SLC35F1: variants seen among roughly 807,000 people sequenced by gnomAD.
SLC35F1 encodes solute carrier family 35 member F1, also known as chromosome 6 open reading frame 169.
In SLC35F1, 14 loss-of-function variants were observed where a neutral mutation model predicts 48.7. That is an observed-to-expected ratio of 0.29 (90% CI 0.19 to 0.45). The LOEUF (loss-of-function observed/expected upper bound fraction) is 0.45, where lower values mean the gene tolerates loss of function less well. Ranked by LOEUF, SLC35F1 falls within the 20% of genes least tolerant of loss-of-function variation. The pLI, the probability that SLC35F1 is intolerant of heterozygous loss-of-function variation, is 1.00. For synonymous variants in SLC35F1, 190 were observed against 202.2 expected (o/e 0.94, Z 0.51); for missense variants, 404 against 500.0 (o/e 0.81, Z 1.83).
At chr6:118,279,017 A>G (rs1332769772) in intron 6 of SLC35F1, among the ~76,000 whole-genome samples, 1 of 152,226 alleles carries the variant, frequency 6.6e-6, no homozygotes, top group Non-Finnish European at 1.5e-5. Context: ...GATGAAGGAC[A>G]GTGTAAAAGG....
At chr6:118,182,124 G>C (rs559375448) in intron 2 of SLC35F1, among the ~76,000 whole-genome samples, 79 of 150,980 alleles carry the variant, frequency 5.2e-4, no homozygotes, top group African/African-American at 1.8e-3. Context: ...ATTTATTCTT[G>C]GAGCTTAAGA....
chr6:118,156,317 C>T (rs1774140455), intron 2 of SLC35F1, among the ~76,000 whole-genome samples: 1 of 152,032 alleles, frequency 6.6e-6, no homozygotes. Context: ...CCTAACACAG[C>T]CCTCAGGAGG....
intron 1 of SLC35F1, among the ~76,000 whole-genome samples, chr6:118,051,980 A>G (rs1461876632): frequency 2.0e-5 from 3 of 152,116 alleles, no homozygotes; most frequent in Non-Finnish European, 2.9e-5. Context: ...TGCATGACTC[A>G]TGTTCCAAAC....
intron 1 of SLC35F1, among the ~76,000 whole-genome samples, chr6:118,139,533 T>C (rs989266721): frequency 1.3e-5 from 2 of 152,204 alleles, no homozygotes; most frequent in South Asian, 2.1e-4. Flanking sequence ...GTAAGTGCCA[T>C]TGGAAGGATG....
intron 2 of SLC35F1, among the ~76,000 whole-genome samples, chr6:118,221,216 A>G (rs1204628989): frequency 1.3e-5 from 2 of 152,162 alleles, no homozygotes; most frequent in African/African-American, 4.8e-5. Flanking sequence ...CGCTACCCCA[A>G]CAAAAGGTCC....
At position 118,125,585 on chromosome 6, in the gene SLC35F1, A is replaced by G. The variant is rs536410796; in HGVS notation, c.174-28860A>G. Among the ~76,000 whole-genome samples the G allele has an allele frequency of 4.6e-5, 7 of 152,272 alleles. 1 individual carries two copies. The East Asian group carries it at 9.6e-4, about 21-fold the overall frequency. On this transcript the variant is annotated intron_variant, in intron 1 of 7. Transcript: ENST00000360388. ...CCTTGGGTAGTATAAGTTAAACCTC[A>G]TAGCCTTGTTTCTCCAGAGTTTCTC...
At position 118,276,009 on chromosome 6, in the gene SLC35F1, T is replaced by C. The variant is rs557753864; in HGVS notation, c.794+394T>C. Among the ~76,000 whole-genome samples, 13 of 152,330 alleles carry C rather than the reference T, an allele frequency of 8.5e-5. No homozygotes were observed. The South Asian group carries it at 2.1e-3, about 24-fold the overall frequency. ...GTGACAACCACCAATAGAAAACTTA[T>C]AGTATAAAATTACCCTTTTATAAAT... is the stretch of plus-strand genomic sequence containing the variant. On this transcript the variant is annotated intron_variant, in intron 5 of 7. Coordinates refer to ENST00000360388, the MANE Select transcript of SLC35F1 (RefSeq NM_001029858.4).
chr6:117,945,367 C>T (rs1776283610), intron 1 of SLC35F1, among the ~76,000 whole-genome samples: 1 of 152,192 alleles, frequency 6.6e-6, no homozygotes, highest in African/African-American at 2.4e-5. Context: ...CACAAATTTA[C>T]TACTATTTAT....
At chr6:118,276,737 T>C (rs1253344064) in intron 5 of SLC35F1, among the ~76,000 whole-genome samples, 1 of 152,230 alleles carries the variant, frequency 6.6e-6, no homozygotes, top group Non-Finnish European at 1.5e-5. Flanking sequence ...AAAAAATATG[T>C]TCAGAGATCT....
rs150814829 is a variant in SLC35F1, at chr6:117,943,446, T to C, written c.173+35547T>C. Reference sequence around the variant, plus strand: ...CAACTTTCACTGAATTGAAAAAAACTAACAAATTTAATGTCAGGAGAAATT... The same window carrying C: ...CAACTTTCACTGAATTGAAAAAAACCAACAAATTTAATGTCAGGAGAAATT... On this transcript the variant is annotated intron_variant, in intron 1 of 7. Transcript: ENST00000360388. Among the ~76,000 whole-genome samples the C allele has an allele frequency of 6.8e-4, 103 of 152,334 alleles. 1 individual carries two copies. The highest frequency in any genetic ancestry group is 6.5e-3 in the Admixed American group (100 of 15,298).
At position 118,058,991 on chromosome 6, in the gene SLC35F1, G is replaced by A. The variant is rs553268170; in HGVS notation, c.174-95454G>A. 5.9e-5 allele frequency among the ~76,000 whole-genome samples: 9 copies of A among 152,252 alleles called. No homozygotes were observed. In the South Asian group the frequency reaches 1.5e-3, roughly 25 times the overall value. ...GTCACAAAGCTAACCTCAGCGAGATGATTTTATTGCAATTCATCATTTTAA... is the reference window on the plus strand; with the variant it reads ...GTCACAAAGCTAACCTCAGCGAGATAATTTTATTGCAATTCATCATTTTAA... On this transcript the variant is annotated intron_variant, in intron 1 of 7. Transcript: ENST00000360388.
At chr6:118,013,015 C>T (rs1013303963) in intron 1 of SLC35F1, among the ~76,000 whole-genome samples, 2 of 152,050 alleles carry the variant, frequency 1.3e-5, no homozygotes, top group Non-Finnish European at 2.9e-5. Context: ...CCCCCCTACC[C>T]CCACCAGAGA....
chr6:118,274,829 C>T (rs1775901138), intron 4 of SLC35F1, among the ~76,000 whole-genome samples: 1 of 152,200 alleles, frequency 6.6e-6, no homozygotes, highest in South Asian at 2.1e-4. Context: ...TCCTTTCACT[C>T]TCATTTTCTA....
At chr6:118,273,382 A>G (rs1159946788) in intron 4 of SLC35F1, among the ~76,000 whole-genome samples, 3 of 152,224 alleles carry the variant, frequency 2.0e-5, no homozygotes, top group Admixed American at 6.5e-5. Context: ...ATTCTATAAC[A>G]TTAAATTTAT....
At chr6:117,916,729 C>T (rs1044702563) in intron 1 of SLC35F1, among the ~76,000 whole-genome samples, 4 of 152,142 alleles carry the variant, frequency 2.6e-5, no homozygotes, top group African/African-American at 7.2e-5. Flanking sequence ...TCAGAGATCA[C>T]GCAATTAAGG....
chr6:117,955,483 C>T (rs1360309222), intron 1 of SLC35F1, among the ~76,000 whole-genome samples: 1 of 152,178 alleles, frequency 6.6e-6, no homozygotes, highest in South Asian at 2.1e-4. Context: ...CTAGAAGAAA[C>T]TTGCTGGAGT....
intron 1 of SLC35F1, among the ~76,000 whole-genome samples, chr6:118,001,754 G>GA (rs756621591): frequency 2.0e-5 from 3 of 151,860 alleles, no homozygotes; most frequent in African/African-American, 4.8e-5. Flanking sequence ...AAATTTACAA[G>GA]AAAAAAACAA....
At chr6:117,936,688 G>A (rs935454106) in intron 1 of SLC35F1, among the ~76,000 whole-genome samples, 2 of 152,004 alleles carry the variant, frequency 1.3e-5, no homozygotes, top group African/African-American at 4.8e-5. Flanking sequence ...AGGCATAAAG[G>A]CTTAGTCTGA....
chr6:118,287,013 C>A (rs2114643616), intron 7 of SLC35F1, among the ~76,000 whole-genome samples: 1 of 152,262 alleles, frequency 6.6e-6, no homozygotes, highest in Non-Finnish European at 1.5e-5. Flanking sequence ...AATACAGTGG[C>A]AAAACCGAGA....
Sources: gnomAD v4.1 joint callset for allele counts (sites outside exome capture counted in the v4.1 genomes callset) on GRCh38, gnomAD v4.1.1 for gene constraint, MANE v1.5 for transcripts, NCBI Gene and HGNC (gene_info 2026-07-23, HGNC 2026-07-21) for gene names.